Variants in CHM observed in about 807,000 individuals in gnomAD.
CHM encodes rab proteins geranylgeranyltransferase component A 1.
A neutral mutation model predicts 49.0 loss-of-function variants in CHM; 10 were observed. The observed-to-expected ratio is 0.20, with a 90% CI of 0.13 to 0.35. The LOEUF is 0.35. CHM is among the 10% of genes least tolerant of loss of function. The pLI, the probability that CHM is intolerant of heterozygous loss-of-function variation, is 1.00. For synonymous variants in CHM, 184 were observed against 167.5 expected, an observed-to-expected ratio of 1.10 and a Z score of -0.76; for missense variants, 455 against 478.4, an observed-to-expected ratio of 0.95 and a Z score of 0.46.
chrX:85,897,297 TTGTGTGTGCGTG>T (rs1174496476), intron 11 of CHM, among the ~76,000 whole-genome samples: 1 of 92,670 alleles, frequency 1.1e-5, no homozygotes, highest in African/African-American at 4.4e-5. Flanking sequence ...TAGAAAATGC[TTGTGTGTGCGTG>T]TGTGTGTGTG....
intron 9 of CHM, among the ~76,000 whole-genome samples, chrX:85,906,390 A>G (rs1926590047): frequency 8.9e-6 from 1 of 112,293 alleles, no homozygotes; most frequent in South Asian, 3.7e-4. Flanking sequence ...ATTGTTAGCT[A>G]ACATAGCTAG....
intron 11 of CHM, among the ~76,000 whole-genome samples, chrX:85,897,082 C>T (rs1339098986): frequency 3.7e-5 from 3 of 81,309 alleles, no homozygotes; most frequent in Admixed American, 1.6e-4. Context: ...ATATTAATTA[C>T]ATAATATATA....
At chrX:85,913,014 GAA>G (rs755460793) in intron 8 of CHM, among the ~76,000 whole-genome samples, 1 of 38,253 alleles carries the variant, frequency 2.6e-5, no homozygotes, top group East Asian at 1.2e-3. Context: ...CTCCATCTCA[GAA>G]AAAAAAAAAA....
intron 12 of CHM, among the ~76,000 whole-genome samples, chrX:85,882,977 T>C (rs1924854698): frequency 9.0e-6 from 1 of 111,313 alleles, no homozygotes; most frequent in Admixed American, 9.6e-5. Context: ...GTGCAATTAG[T>C]CCATCTTTAA....
intron 2 of CHM, among the ~76,000 whole-genome samples, chrX:86,019,440 G>T (rs1281136150): frequency 8.9e-6 from 1 of 111,782 alleles, no homozygotes; most frequent in East Asian, 2.8e-4. Flanking sequence ...CCAAAGAAAG[G>T]AAATAAAGAT....
chrX:85,905,941 C>T (rs1019860969), intron 9 of CHM, among the ~76,000 whole-genome samples: 1 of 111,535 alleles, frequency 9.0e-6, no homozygotes, highest in Admixed American at 9.5e-5. Flanking sequence ...ATCTGCATAC[C>T]GAACAGATCT....
intron 4 of CHM, among the ~76,000 whole-genome samples, chrX:85,972,644 C>A (rs949673573): frequency 6.2e-5 from 7 of 112,765 alleles, no homozygotes; most frequent in African/African-American, 1.9e-4. Context: ...GCTGGCCGGC[C>A]GCTCCGAGTG....
At chrX:86,026,917 A>C (rs1462793296) in intron 2 of CHM, 2 of 112,904 alleles carry the variant, frequency 1.8e-5, no homozygotes, top group Admixed American at 1.9e-4. Flanking sequence ...CGGATATAGA[A>C]ATGGAGAGAT....
chrX:86,008,461 G>GCAGTATGC (rs1246609140), intron 2 of CHM, among the ~76,000 whole-genome samples: 1 of 111,241 alleles, frequency 9.0e-6, no homozygotes, highest in Admixed American at 9.6e-5. Context: ...AAAAGTGATA[G>GCAGTATGC]CAGTATGCTT....
intron 2 of CHM, among the ~76,000 whole-genome samples, chrX:86,009,646 A>T (rs1260946906): frequency 8.9e-6 from 1 of 112,719 alleles, no homozygotes; most frequent in Non-Finnish European, 1.9e-5. Context: ...TTTAATTGAA[A>T]GTATCAACAC....
At chrX:85,997,755 G>C (rs758469999) in intron 2 of CHM, among the ~76,000 whole-genome samples, 18 of 111,135 alleles carry the variant, frequency 1.6e-4, no homozygotes, top group Non-Finnish European at 3.2e-4. Context: ...TTTGAGACCA[G>C]GCTGGCCAAC....
intron 2 of CHM, among the ~76,000 whole-genome samples, chrX:85,997,228 C>T (rs1206200402): frequency 9.0e-6 from 1 of 111,139 alleles, no homozygotes; most frequent in Admixed American, 9.6e-5. Flanking sequence ...AAATGATGCC[C>T]CTATTATTCT....
intron 14 of CHM, among the ~76,000 whole-genome samples, chrX:85,867,204 C>T (rs1313223451): frequency 9.0e-6 from 1 of 111,598 alleles, no homozygotes; most frequent in Admixed American, 9.5e-5. Context: ...GGGCACTTTT[C>T]CCCATGCTGT....
intron 8 of CHM, among the ~76,000 whole-genome samples, chrX:85,953,834 G>A (rs192398781): frequency 4.3e-4 from 48 of 111,688 alleles, no homozygotes; most frequent in East Asian, 2.3e-3. Context: ...AGAAAACATC[G>A]GAGAAAACCT....
At chrX:86,028,028 T>C (rs1933904096) in intron 1 of CHM, among the ~76,000 whole-genome samples, 1 of 112,221 alleles carries the variant, frequency 8.9e-6, no homozygotes, top group African/African-American at 3.2e-5. Flanking sequence ...CCCAAAGTGC[T>C]GAGATTATAG....
At position 85,966,107 on chromosome X, in the gene CHM, T is replaced by A. The variant is rs551873641; in HGVS notation, c.315-2055A>T. ...GCTTACACCTGTAATCCCAGCACTG[T>A]GGTAGGCCGAGGTGGGTGGATCACT... On this transcript the variant is annotated intron_variant, in intron 4 of 14. Transcript: ENST00000357749. Among the ~76,000 whole-genome samples, 7 of 111,432 alleles carry A rather than the reference T, an allele frequency of 6.3e-5. No homozygotes were observed. In the South Asian group the frequency reaches 2.7e-3, roughly 43 times the overall value.
At chrX:85,957,082 T>C (rs776941986) in intron 7 of CHM, among the ~76,000 whole-genome samples, 1 of 112,165 alleles carries the variant, frequency 8.9e-6, no homozygotes, top group Non-Finnish European at 1.9e-5. Flanking sequence ...GATAACAACA[T>C]GACAGTACCT....
At chrX:86,003,002 A>C (rs1932776814) in intron 2 of CHM, among the ~76,000 whole-genome samples, 1 of 111,798 alleles carries the variant, frequency 8.9e-6, no homozygotes, top group Non-Finnish European at 1.9e-5. Flanking sequence ...CAGACACCTC[A>C]TATAGGCAGG....
intron 12 of CHM, among the ~76,000 whole-genome samples, chrX:85,892,624 T>A (rs1262251123): frequency 9.0e-6 from 1 of 111,309 alleles, no homozygotes; most frequent in African/African-American, 3.3e-5. Flanking sequence ...GGGTAGGTTT[T>A]TACTAACAGC....
Sources: allele counts gnomAD v4.1 joint callset (sites outside exome capture counted in the v4.1 genomes callset), GRCh38; gene constraint gnomAD v4.1.1; transcripts MANE v1.5; gene names NCBI Gene and HGNC (gene_info 2026-07-23, HGNC 2026-07-21).